Variants in HS3ST1 observed in about 807,000 individuals in gnomAD.
HS3ST1 encodes heparan sulfate glucosamine 3-O-sulfotransferase 1.
Under a neutral mutation model 20.7 loss-of-function variants are expected in HS3ST1, and 8 were observed. The ratio of observed to expected loss-of-function variants is 0.39; its 90% CI spans 0.23 to 0.70. The LOEUF is 0.70. HS3ST1 is among the 30% of genes least tolerant of loss of function. HS3ST1 has a pLI of 0.46. For missense variants in HS3ST1, 436 were observed against 423.4 expected (o/e 1.03, Z -0.26); for synonymous variants, 205 against 190.4 (o/e 1.08, Z -0.63).
intron 1 of HS3ST1, among the ~76,000 whole-genome samples, chr4:11,413,460 A>AGCCTCTTCC (rs1256195450): frequency 6.6e-6 from 1 of 152,134 alleles, no homozygotes; most frequent in Non-Finnish European, 1.5e-5. Context: ...TATGACACTC[A>AGCCTCTTCC]GCCTCTTCCG....
chr4:11,422,294 G>A (rs574729521), intron 1 of HS3ST1, among the ~76,000 whole-genome samples: 10 of 152,242 alleles, frequency 6.6e-5, no homozygotes, highest in African/African-American at 1.7e-4. Flanking sequence ...CAGAAATGCC[G>A]CCTGTTTCTT....
At chr4:11,410,161 A>G (rs563439537) in intron 1 of HS3ST1, among the ~76,000 whole-genome samples, 13 of 152,348 alleles carry the variant, frequency 8.5e-5, no homozygotes, top group African/African-American at 3.1e-4. Flanking sequence ...CGATGTTTCT[A>G]AAATTGTACT....
chr4:11,417,124 T>C (rs564471800), intron 1 of HS3ST1, among the ~76,000 whole-genome samples: 60 of 152,320 alleles, frequency 3.9e-4, no homozygotes, highest in Admixed American at 1.1e-3. Context: ...ACTTGAATTT[T>C]GGTACTACTT....
chr4:11,419,834 TA>T (rs1335104777), intron 1 of HS3ST1, among the ~76,000 whole-genome samples: 2 of 151,656 alleles, frequency 1.3e-5, no homozygotes, highest in African/African-American at 2.4e-5. Context: ...TGGCATCCTT[TA>T]AAAAAAAATT....
intron 1 of HS3ST1, among the ~76,000 whole-genome samples, chr4:11,417,141 T>C (rs1236372184): frequency 2.6e-5 from 4 of 152,156 alleles, no homozygotes; most frequent in Non-Finnish European, 1.5e-5. Context: ...ACTTTCATTA[T>C]TTAAAAAAAC....
chr4:11,427,512 G>GCC (rs1719092405), intron 1 of HS3ST1, among the ~76,000 whole-genome samples: 2 of 152,190 alleles, frequency 1.3e-5, no homozygotes, highest in Non-Finnish European at 2.9e-5. Context: ...GGCCTCCCTA[G>GCC]AATCCCCCCA....
upstream of HS3ST1, chr4:11,429,555 G>C (rs1719159892): frequency 6.7e-6 from 1 of 150,156 alleles, no homozygotes; most frequent in Admixed American, 6.7e-5. Context: ...GCTTCAAAGA[G>C]CGCCCTGTCG....
intron 1 of HS3ST1, among the ~76,000 whole-genome samples, chr4:11,408,906 C>T (rs968187007): frequency 1.3e-5 from 2 of 152,240 alleles, no homozygotes; most frequent in Non-Finnish European, 2.9e-5. Flanking sequence ...AGAAGCTCCC[C>T]TGGCTGGGGT....
chr4:11,399,825 C>G lies in HS3ST1; in HGVS notation c.181G>C (p.Gly61Arg), dbSNP rs1560230981. 1 of 1,612,842 alleles carries G rather than the reference C, an allele frequency of 6.2e-7. No individual in the cohort carries two copies. Among genetic ancestry groups the G allele is most frequent in the Non-Finnish European group, 8.5e-7 (1 of 1,179,726 alleles). Residue 61 changes from glycine to arginine, a missense_variant, in exon 2 of 2, where the codon GGC becomes CGC. Transcript: ENST00000002596. The surrounding 1 kb of genome is among the most constrained non-coding windows in gnomAD (Gnocchi z 5.1). ...GCGCGCGTGCCGCCCTTGCGCACGCCGATGATGATGGTCTGCGGCAACTGC... is the reference window on the plus strand; with the variant it reads ...GCGCGCGTGCCGCCCTTGCGCACGCGGATGATGATGGTCTGCGGCAACTGC... ...AQQLPQTIII[G>R]VRKGGTRALL...
chr4:11,419,567 A>G (rs1718872258), intron 1 of HS3ST1, among the ~76,000 whole-genome samples: 1 of 152,104 alleles, frequency 6.6e-6, no homozygotes, highest in Non-Finnish European at 1.5e-5. Flanking sequence ...GGGTGGAGCA[A>G]AACACCATGG....
chr4:11,433,490 G>C (rs1027815059), upstream of HS3ST1, among the ~76,000 whole-genome samples: 1 of 152,172 alleles, frequency 6.6e-6, no homozygotes, highest in Non-Finnish European at 1.5e-5. Flanking sequence ...GGCTTGAAGT[G>C]GTCCCCTTGT....
rs1718222341 is a variant in HS3ST1, at chr4:11,398,945, A to G, written c.*137T>C. 5 of 721,538 alleles carry G rather than the reference A, an allele frequency of 6.9e-6. No homozygotes were observed. In the South Asian group the frequency reaches 1.1e-4, roughly 15 times the overall value. The allele number at this position is 721,538 out of a possible 1,614,324, so 44.7% of individuals were successfully genotyped here. A position where few individuals can be genotyped will look rare whatever the true frequency, so the allele number is the denominator to read the frequency against. On this transcript the variant is annotated 3_prime_UTR_variant, in exon 2 of 2. Transcript: ENST00000002596. The stretch of plus-strand genomic sequence containing the variant: ...ATAACTAGTATATATGGCAATTGTG[A>G]ATCTAATACTGTACAGAAGTACTTT...
chr4:11,403,650 C>T (rs1718387259), intron 1 of HS3ST1, among the ~76,000 whole-genome samples: 1 of 152,178 alleles, frequency 6.6e-6, no homozygotes, highest in Non-Finnish European at 1.5e-5. Context: ...AAAAACCCAA[C>T]AAAATCTACC....
At chr4:11,416,633 G>A (rs76957432) in intron 1 of HS3ST1, among the ~76,000 whole-genome samples, 7,606 of 152,286 alleles carry the variant, frequency 0.05, 211 homozygotes, top group Non-Finnish European at 0.055. Flanking sequence ...GCAGAAAGAC[G>A]GAGCAGGTAC....
At position 11,399,362 on chromosome 4, in the gene HS3ST1, A is replaced by G. The variant is rs1333644121; in HGVS notation, c.644T>C (p.Val215Ala). Residue 215 changes from valine (V) to alanine (A), a missense_variant, in exon 2 of 2, where the codon GTG becomes GCG. Val to Ala is a moderately conservative substitution (Grantham distance 64, BLOSUM62 0). Transcript: ENST00000002596. The surrounding 1 kb of genome is among the most constrained non-coding windows in gnomAD (Gnocchi z 5.1). ...GTCCCTGATGAGGCGGTCGCCGTCCACAATGTGGATGTGGCGCAGCGGGAA... is the reference window on the plus strand; with the variant it reads ...GTCCCTGATGAGGCGGTCGCCGTCCGCAATGTGGATGTGGCGCAGCGGGAA... The part of the protein sequence containing the change: ...RFFPLRHIHI[V>A]DGDRLIRDPF... The G allele has an allele frequency of 3.7e-6, 6 of 1,613,942 alleles. No individual in the cohort carries two copies. Among genetic ancestry groups the G allele is most frequent in the Non-Finnish European group, 5.1e-6 (6 of 1,180,024 alleles).
intron 1 of HS3ST1, among the ~76,000 whole-genome samples, chr4:11,418,942 GGT>G (rs1491088196): frequency 6.6e-6 from 1 of 152,064 alleles, no homozygotes; most frequent in African/African-American, 2.4e-5. Flanking sequence ...AAGATCATGA[GGT>G]GTTGTGTTGG....
At chr4:11,401,900 T>C (rs1158520345) in intron 1 of HS3ST1, among the ~76,000 whole-genome samples, 3 of 152,334 alleles carry the variant, frequency 2.0e-5, no homozygotes, top group Middle Eastern at 3.4e-3. Context: ...TTCAAGGAGC[T>C]GATACTCATC....
intron 1 of HS3ST1, among the ~76,000 whole-genome samples, chr4:11,427,524 A>G (rs181959956): frequency 1.2e-4 from 18 of 152,288 alleles, no homozygotes; most frequent in African/African-American, 4.1e-4. Context: ...ATCCCCCCAA[A>G]AGCATCTTGG....
At chr4:11,410,699 C>T (rs1192780662) in intron 1 of HS3ST1, among the ~76,000 whole-genome samples, 1 of 152,056 alleles carries the variant, frequency 6.6e-6, no homozygotes, top group South Asian at 2.1e-4. Flanking sequence ...CAAGACCAGC[C>T]GGTCAAACAT....
Sources: gnomAD v4.1 joint callset for allele counts (sites outside exome capture counted in the v4.1 genomes callset) on GRCh38, gnomAD v4.1.1 for gene constraint, Gnocchi (gnomAD v3.1) non-coding constraint, MANE v1.5 for transcripts, NCBI Gene and HGNC (gene_info 2026-07-23, HGNC 2026-07-21) for gene names.